Variants in NAALADL2 observed in about 807,000 individuals in gnomAD.
The protein encoded by NAALADL2 is N-acetylated alpha-linked acidic dipeptidase like 2.
NAALADL2 carries 76 observed loss-of-function variants against 87.2 expected under a neutral mutation model. That is an observed-to-expected ratio of 0.87 (90% CI 0.72 to 1.05). The LOEUF (loss-of-function observed/expected upper bound fraction) is 1.05. Among genes scored for constraint, NAALADL2 ranks in the 50% least tolerant of loss-of-function variants. The pLI, the probability that NAALADL2 is intolerant of heterozygous loss-of-function variation, is 0.00. For synonymous variants in NAALADL2, 354 were observed against 331.0 expected (o/e 1.07, Z -0.75); for missense variants, 1,089 against 945.8 (o/e 1.15, Z -1.99).
At chr3:175,060,901 G>A (rs1027479686) in intron 1 of NAALADL2, among the ~76,000 whole-genome samples, 4 of 152,088 alleles carry the variant, frequency 2.6e-5, no homozygotes, top group African/African-American at 9.7e-5. Flanking sequence ...TACAAAATTA[G>A]CCAGGCATGG....
intron 9 of NAALADL2, among the ~76,000 whole-genome samples, chr3:175,567,109 TTTTAC>T (rs1445774467): frequency 6.6e-6 from 1 of 152,186 alleles, no homozygotes; most frequent in African/African-American, 2.4e-5. Context: ...TACTGGAGGT[TTTTAC>T]TTAGATGCAA....
intron 1 of NAALADL2, among the ~76,000 whole-genome samples, chr3:174,861,510 A>G (rs1365941041): frequency 1.3e-5 from 2 of 152,092 alleles, no homozygotes; most frequent in African/African-American, 4.8e-5. Flanking sequence ...CTTTCAAATA[A>G]TACTCATTGT....
At chr3:175,408,409 T>C (rs1712836055) in intron 5 of NAALADL2, among the ~76,000 whole-genome samples, 1 of 152,046 alleles carries the variant, frequency 6.6e-6, no homozygotes, top group Admixed American at 6.6e-5. Context: ...TTATTATTAG[T>C]GTATTAAACA....
At chr3:175,729,928 T>C (rs1743447662) in intron 11 of NAALADL2, among the ~76,000 whole-genome samples, 1 of 152,096 alleles carries the variant, frequency 6.6e-6, no homozygotes, top group Admixed American at 6.6e-5. Context: ...AATCCCATGA[T>C]AATAGTTTAA....
At chr3:175,187,660 T>C (rs1737548368) in intron 2 of NAALADL2, among the ~76,000 whole-genome samples, 1 of 152,170 alleles carries the variant, frequency 6.6e-6, no homozygotes, top group Non-Finnish European at 1.5e-5. Flanking sequence ...TTTTAAATTC[T>C]CTTTAAATAT....
intron 1 of NAALADL2, among the ~76,000 whole-genome samples, chr3:175,068,657 C>T (rs566122297): frequency 1.3e-5 from 2 of 152,052 alleles, no homozygotes; most frequent in Admixed American, 6.6e-5. Context: ...AAAAATTTAG[C>T]ATCAAAGATA....
chr3:174,851,536 A>G (rs1056753466), intron 3 of NAALADL2, among the ~76,000 whole-genome samples: 1 of 151,952 alleles, frequency 6.6e-6, no homozygotes, highest in African/African-American at 2.4e-5. Flanking sequence ...ATAAATTCCT[A>G]GACATGTCCA....
At chr3:175,165,550 A>G (rs1397056938) in intron 2 of NAALADL2, among the ~76,000 whole-genome samples, 2 of 152,186 alleles carry the variant, frequency 1.3e-5, no homozygotes, top group Non-Finnish European at 2.9e-5. Flanking sequence ...ATTTGGAAAA[A>G]AAATATAATG....
chr3:175,222,461 T>C (rs910880101), intron 2 of NAALADL2, among the ~76,000 whole-genome samples: 3 of 152,216 alleles, frequency 2.0e-5, no homozygotes, highest in Non-Finnish European at 2.9e-5. Context: ...TTAAATTCTC[T>C]GAAATGTTTC....
chr3:175,299,721 G>A (rs545626554), intron 4 of NAALADL2, among the ~76,000 whole-genome samples: 28 of 150,564 alleles, frequency 1.9e-4, no homozygotes, highest in African/African-American at 6.1e-4. Context: ...TTCTAAATAT[G>A]TTGTCTCCAA....
chr3:174,522,176 A>G (rs1278327780), intron 1 of NAALADL2, among the ~76,000 whole-genome samples: 2 of 152,186 alleles, frequency 1.3e-5, no homozygotes, highest in African/African-American at 4.8e-5. Context: ...TATTTTTCTT[A>G]TATTTCCTCT....
chr3:174,750,288 A>C (rs1441744622), intron 3 of NAALADL2, among the ~76,000 whole-genome samples: 1 of 152,188 alleles, frequency 6.6e-6, no homozygotes, highest in Non-Finnish European at 1.5e-5. Flanking sequence ...ATTGTCCTAA[A>C]GTTAGGAAAA....
chr3:174,931,733 G>T (rs1346535014), intron 1 of NAALADL2, among the ~76,000 whole-genome samples: 1 of 152,166 alleles, frequency 6.6e-6, no homozygotes, highest in African/African-American at 2.4e-5. Flanking sequence ...TGTCTGGGAT[G>T]ACATGAGATT....
chr3:175,516,279 T>A (rs2149405907), intron 9 of NAALADL2, among the ~76,000 whole-genome samples: 1 of 152,322 alleles, frequency 6.6e-6, no homozygotes, highest in African/African-American at 2.4e-5. Flanking sequence ...TTTGTTTAAA[T>A]ATTGGCCCAT....
At chr3:175,450,190 C>A (rs1721352886) in intron 6 of NAALADL2, among the ~76,000 whole-genome samples, 3 of 151,912 alleles carry the variant, frequency 2.0e-5, no homozygotes, top group South Asian at 4.1e-4. Flanking sequence ...AATTAAGTTT[C>A]CTCATAGATA....
intron 1 of NAALADL2, among the ~76,000 whole-genome samples, chr3:174,527,494 G>A (rs942151043): frequency 1.3e-5 from 2 of 151,204 alleles, no homozygotes; most frequent in African/African-American, 4.9e-5. Flanking sequence ...ACTCTAGCCT[G>A]GGCAACAAGA....
At chr3:175,716,448 G>C (rs904695813) in intron 11 of NAALADL2, among the ~76,000 whole-genome samples, 1 of 151,414 alleles carries the variant, frequency 6.6e-6, no homozygotes, top group African/African-American at 2.4e-5. Flanking sequence ...AAATGTTGGG[G>C]GAAGTCGAGA....
At chr3:175,632,389 A>G (rs750045270) in intron 11 of NAALADL2, among the ~76,000 whole-genome samples, 11 of 151,420 alleles carry the variant, frequency 7.3e-5, no homozygotes, top group Non-Finnish European at 1.3e-4. Context: ...TCTTCTAGCC[A>G]TGCTTCCTGT....
chr3:175,510,302 T>C (rs1347218959), intron 9 of NAALADL2, among the ~76,000 whole-genome samples: 1 of 152,098 alleles, frequency 6.6e-6, no homozygotes, highest in Non-Finnish European at 1.5e-5. Flanking sequence ...TCCTACGATA[T>C]ACAGGGATTA....
Sources: allele counts gnomAD v4.1 joint callset (sites outside exome capture counted in the v4.1 genomes callset), GRCh38; gene constraint gnomAD v4.1.1; transcripts MANE v1.5; gene names NCBI Gene and HGNC (gene_info 2026-07-23, HGNC 2026-07-21).